The following ERN1 variants were observed in gnomAD, a reference collection of about 807,000 sequenced individuals.
ERN1 encodes endoplasmic reticulum to nucleus signaling 1.
A neutral mutation model predicts 113.1 loss-of-function variants in ERN1; 39 were observed. That is an observed-to-expected ratio of 0.34 (90% CI 0.27 to 0.45). The LOEUF (loss-of-function observed/expected upper bound fraction) is 0.45, where lower values mean the gene tolerates loss of function less well. Among genes scored for constraint, ERN1 ranks in the 20% least tolerant of loss-of-function variants. The pLI, the probability that ERN1 is intolerant of heterozygous loss-of-function variation, is 1.00. For synonymous variants in ERN1, 507 were observed against 515.9 expected (o/e 0.98, Z 0.23); for missense variants, 976 against 1,274.8 (o/e 0.77, Z 3.57).
chr17:64,117,819 C>G (rs889615944), intron 1 of ERN1, among the ~76,000 whole-genome samples: 1 of 152,204 alleles, frequency 6.6e-6, no homozygotes, highest in African/African-American at 2.4e-5. Context: ...CCTGCAACCC[C>G]TGCAGAATTT....
intron 1 of ERN1, 98 bp from the exon 2 acceptor site, chr17:64,098,339 A>T: frequency 7.0e-7 from 1 of 1,438,574 alleles, no homozygotes; most frequent in Non-Finnish European, 9.7e-7. Context: ...TCCTACTAAA[A>T]CCCTCCATTT....
At chr17:64,068,338 T>A in intron 6 of ERN1, 47 bp from the exon 7 acceptor site, 2 of 1,321,394 alleles carry the variant, frequency 1.5e-6, no homozygotes, top group East Asian at 2.4e-5. Context: ...GGGGCCATAG[T>A]ACCTACTGAG....
chr17:64,102,471 C>T (rs960879686), intron 1 of ERN1, among the ~76,000 whole-genome samples: 3 of 152,180 alleles, frequency 2.0e-5, no homozygotes, highest in Non-Finnish European at 4.4e-5. Flanking sequence ...TGTACCAAAT[C>T]GAAACTCCTG....
At chr17:64,053,242 C>A (rs911128842) in intron 16 of ERN1, 30 bp downstream of exon 16, 2 of 1,550,310 alleles carry the variant, frequency 1.3e-6, no homozygotes, top group African/African-American at 2.7e-5. Context: ...CCCACCCGGG[C>A]CGCTGGCCTG....
At chr17:64,072,285 TATA>T (rs1383306063) in intron 5 of ERN1, among the ~76,000 whole-genome samples, 182 bp from the exon 6 acceptor site, 2 of 152,250 alleles carry the variant, frequency 1.3e-5, no homozygotes, top group Non-Finnish European at 2.9e-5. Context: ...CCATAGGTCT[TATA>T]ATAATTTAAT....
At chr17:64,099,080 C>T (rs899944644) in intron 1 of ERN1, among the ~76,000 whole-genome samples, 1 of 152,072 alleles carries the variant, frequency 6.6e-6, no homozygotes, top group Non-Finnish European at 1.5e-5. Flanking sequence ...CATTTATAAA[C>T]ACAAAAACTG....
At chr17:64,112,782 T>C (rs1287926147) in intron 1 of ERN1, among the ~76,000 whole-genome samples, 1 of 152,228 alleles carries the variant, frequency 6.6e-6, no homozygotes, top group African/African-American at 2.4e-5. Flanking sequence ...CCTATGCGTC[T>C]CTTCATCTGT....
In ERN1 at chr17:64,130,077, G is replaced by C; in HGVS notation, c.-48C>G. 2 of 1,331,530 alleles carry C rather than the reference G, an allele frequency of 1.5e-6. No individual in the cohort carries two copies. The highest frequency in any genetic ancestry group is 1.9e-6 in the Non-Finnish European group (2 of 1,043,940). 82.5% of individuals were successfully genotyped at this position (1,331,530 alleles called of 1,614,324 possible). A position where few individuals can be genotyped will look rare whatever the true frequency, so the allele number is the denominator to read the frequency against. On this transcript the variant is annotated 5_prime_UTR_variant, in exon 1 of 22. Coordinates refer to ENST00000433197, the MANE Select transcript of ERN1 (RefSeq NM_001433.5). The surrounding 1 kb of genome is among the most constrained non-coding windows in gnomAD (Gnocchi z 4.0). Reference sequence around the variant, plus strand: ...CGGGGGCGGTACGGACAGAGGACGGGGCGGGGGCGCCGCGACGACAGCGAG... The same window carrying C: ...CGGGGGCGGTACGGACAGAGGACGGCGCGGGGGCGCCGCGACGACAGCGAG...
At chr17:64,093,924 C>T (rs916701712) in intron 2 of ERN1, among the ~76,000 whole-genome samples, 1 of 152,168 alleles carries the variant, frequency 6.6e-6, no homozygotes, top group Non-Finnish European at 1.5e-5. Context: ...CTTGAGAAAT[C>T]GATGAAGGTA....
chr17:64,106,227 G>T (rs535197950), intron 1 of ERN1, among the ~76,000 whole-genome samples: 1 of 152,274 alleles, frequency 6.6e-6, no homozygotes, highest in East Asian at 1.9e-4. Context: ...AGTATTAAAG[G>T]TAAGACTTGA....
At chr17:64,129,169 A>T (rs1311327271) in intron 1 of ERN1, 1 of 152,146 alleles carries the variant, frequency 6.6e-6, no homozygotes. Flanking sequence ...GGTCATAAAG[A>T]GTTAAATGAA....
At chr17:64,102,329 T>C (rs1184141273) in intron 1 of ERN1, among the ~76,000 whole-genome samples, 1 of 152,136 alleles carries the variant, frequency 6.6e-6, no homozygotes, top group Non-Finnish European at 1.5e-5. Flanking sequence ...ACTAATTTAG[T>C]CTTGGAAAAA....
intron 12 of ERN1, among the ~76,000 whole-genome samples, chr17:64,057,410 CCA>C (rs1326677502): frequency 1.3e-5 from 2 of 150,466 alleles, no homozygotes; most frequent in East Asian, 2.0e-4. Context: ...GCTCTGTCGC[CCA>C]GGCTGGAGTG....
intron 1 of ERN1, among the ~76,000 whole-genome samples, chr17:64,126,017 T>C (rs1915071814): frequency 6.6e-6 from 1 of 152,100 alleles, no homozygotes; most frequent in Non-Finnish European, 1.5e-5. Flanking sequence ...TAAAACCAGC[T>C]GTGTTGCTCT....
At chr17:64,110,678 A>G (rs984672084) in intron 1 of ERN1, among the ~76,000 whole-genome samples, 4 of 152,276 alleles carry the variant, frequency 2.6e-5, no homozygotes, top group Admixed American at 1.3e-4. Context: ...CTTGGTAGCA[A>G]TAAGATGCTC....
intron 1 of ERN1, among the ~76,000 whole-genome samples, chr17:64,118,027 A>T (rs1914857302): frequency 6.6e-6 from 1 of 152,186 alleles, no homozygotes; most frequent in African/African-American, 2.4e-5. Flanking sequence ...TACATTCAAG[A>T]GCTAGGAAGC....
At chr17:64,065,154 G>C (rs1207859966) in intron 9 of ERN1, 55 bp downstream of exon 9, 2 of 1,270,166 alleles carry the variant, frequency 1.6e-6, no homozygotes, top group Admixed American at 2.3e-5. Flanking sequence ...GTCATTCTTT[G>C]CTAAAATGGA....
At chr17:64,045,848 G>A (rs183819996) in intron 19 of ERN1, among the ~76,000 whole-genome samples, 132 of 152,338 alleles carry the variant, frequency 8.7e-4, no homozygotes, top group Non-Finnish European at 1.4e-3. Context: ...CAGATTTGAT[G>A]TGCATCCCGT....
At chr17:64,065,119 C>T in intron 9 of ERN1, 90 bp downstream of exon 9, 1 of 787,828 alleles carries the variant, frequency 1.3e-6, no homozygotes, top group Non-Finnish European at 2.0e-6. Context: ...CATTCTTAAC[C>T]TGCAGGATGC....
Sources: gnomAD v4.1 joint callset for allele counts (sites outside exome capture counted in the v4.1 genomes callset) on GRCh38, gnomAD v4.1.1 for gene constraint, Gnocchi (gnomAD v3.1) non-coding constraint, MANE v1.5 for transcripts, NCBI Gene and HGNC (gene_info 2026-07-23, HGNC 2026-07-21) for gene names.